RGS6: variants seen among roughly 807,000 people sequenced by gnomAD.
RGS6 encodes the protein regulator of G protein signaling 6, also known as regulator of G-protein signaling 6.
In RGS6, 30 loss-of-function variants were observed where a neutral mutation model predicts 78.5. That is an observed-to-expected ratio of 0.38 (90% CI 0.29 to 0.52). The LOEUF is 0.52. RGS6 is among the 20% of genes least tolerant of loss of function. RGS6 has a pLI of 0.85. For synonymous variants in RGS6, 206 were observed against 206.0 expected (o/e 1.00, Z 0.00); for missense variants, 495 against 609.7 (o/e 0.81, Z 1.98).
chr14:72,302,318 A>AAG (rs2066248855), intron 2 of RGS6, among the ~76,000 whole-genome samples: 1 of 152,242 alleles, frequency 6.6e-6, no homozygotes, highest in East Asian at 1.9e-4. Flanking sequence ...TGGCGGAGCC[A>AAG]AGATTCGAAC....
intron 2 of RGS6, among the ~76,000 whole-genome samples, chr14:72,169,647 C>T (rs185011483): frequency 6.6e-6 from 1 of 152,144 alleles, no homozygotes. Flanking sequence ...ACTGTTAAAA[C>T]TTTTTCCTCC....
At chr14:72,619,867 T>C in the RGS6 span, 1 of 1,506,342 alleles carries the variant, frequency 6.6e-7, no homozygotes, top group Non-Finnish European at 8.9e-7. Flanking sequence ...TAGTAGTATC[T>C]GTTGCTGTTC....
rs534266116 is a variant in RGS6, at chr14:72,051,291, G to C, written c.84+86416G>C. On this transcript the variant is annotated intron_variant, in intron 2 of 17. Coordinates refer to ENST00000553525, the MANE Select transcript of RGS6 (RefSeq NM_001204424.2). ...AAGCAAAAAGAAAACAGGGCTGGCA[G>C]TATTCGCATGGGGGCAATTTCAAGA... 3.9e-5 allele frequency among the ~76,000 whole-genome samples: 6 copies of C among 152,282 alleles called. No individual in the cohort carries two copies. In the South Asian group the frequency reaches 1.2e-3, roughly 32 times the overall value.
chr14:72,431,158 T>G (rs1209005993), intron 3 of RGS6, among the ~76,000 whole-genome samples: 1 of 152,170 alleles, frequency 6.6e-6, no homozygotes, highest in African/African-American at 2.4e-5. Context: ...ACAAGGAATC[T>G]GGGTATGAGG....
At chr14:72,325,147 G>A (rs1439844260) in intron 2 of RGS6, among the ~76,000 whole-genome samples, 2 of 152,200 alleles carry the variant, frequency 1.3e-5, no homozygotes, top group African/African-American at 4.8e-5. Context: ...CTGCATAAAT[G>A]TCTTCTTTCG....
intron 2 of RGS6, among the ~76,000 whole-genome samples, chr14:72,174,656 C>A (rs1368468713): frequency 6.6e-6 from 1 of 152,124 alleles, no homozygotes; most frequent in African/African-American, 2.4e-5. Flanking sequence ...GATACAAGGC[C>A]TATGTCTTGG....
the RGS6 span, among the ~76,000 whole-genome samples, chr14:72,618,280 T>C: frequency 3.9e-5 from 6 of 152,204 alleles, no homozygotes; most frequent in South Asian, 2.1e-4. Flanking sequence ...AAGAAATTAC[T>C]TGGAAAAAGG....
chr14:72,562,558 G>C lies in RGS6; in HGVS notation c.*91G>C, dbSNP rs1028207209. 1 of 1,580,150 alleles carries C rather than the reference G, an allele frequency of 6.3e-7. No individual in the cohort carries two copies. Among genetic ancestry groups the C allele is most frequent in the African/African-American group, 1.3e-5 (1 of 74,216 alleles). Reference sequence around the variant, plus strand: ...TCTGCGGACAGAGTTTCCTTACGAGGAGACTTGGTCACTGTGAAGGAGAAA... The same window carrying C: ...TCTGCGGACAGAGTTTCCTTACGAGCAGACTTGGTCACTGTGAAGGAGAAA... On this transcript the variant is annotated 3_prime_UTR_variant, in exon 18 of 18. Transcript: ENST00000553525.
intron 2 of RGS6, among the ~76,000 whole-genome samples, chr14:71,976,334 A>G (rs1221141563): frequency 6.6e-6 from 1 of 150,904 alleles, no homozygotes; most frequent in Admixed American, 6.6e-5. Context: ...ATATGTATAC[A>G]TGTGCCATGC....
intron 2 of RGS6, among the ~76,000 whole-genome samples, chr14:72,007,159 T>TG (rs1219585799): frequency 6.6e-6 from 1 of 151,582 alleles, no homozygotes; most frequent in Non-Finnish European, 1.5e-5. Context: ...CTGATTTTTT[T>TG]TTTTTCCTGT....
Position 71,964,827 on chromosome 14 carries a change from G to T in RGS6, c.36G>T (p.Gly12=), listed in dbSNP as rs765503463. 6.2e-7 allele frequency: 1 copy of T among 1,613,754 alleles called. No individual in the cohort carries two copies. The highest frequency in any genetic ancestry group is 1.3e-5 in the African/African-American group (1 of 75,018). ...AQGSGDQRAV[G]VADPEESSPN... ...GATCCGGGGATCAAAGAGCAGTGGG[G>T]GTTGCTGACCCAGAGGAGAGTTCTC... The change falls in exon 2 of 18, where the codon GGG becomes GGT. Residue 12 remains glycine (G), a synonymous_variant. Coordinates refer to ENST00000553525, the MANE Select transcript of RGS6 (RefSeq NM_001204424.2).
intron 12 of RGS6, among the ~76,000 whole-genome samples, chr14:72,481,743 G>GCA (rs1262883674): frequency 3.3e-5 from 5 of 151,368 alleles, no homozygotes; most frequent in African/African-American, 7.3e-5. Flanking sequence ...TATTGTCTCT[G>GCA]CACACACACA....
intron 2 of RGS6, among the ~76,000 whole-genome samples, chr14:72,040,867 A>G (rs557657986): frequency 9.9e-5 from 15 of 152,180 alleles, no homozygotes; most frequent in African/African-American, 3.6e-4. Context: ...CCTCTGGTAA[A>G]TCTTCCAATT....
chr14:72,172,841 G>A (rs1370459294), intron 2 of RGS6, among the ~76,000 whole-genome samples: 1 of 152,204 alleles, frequency 6.6e-6, no homozygotes, highest in Admixed American at 6.5e-5. Context: ...TCTGTCAGGT[G>A]GGGGTAAAGC....
intron 2 of RGS6, among the ~76,000 whole-genome samples, chr14:72,239,708 T>C (rs2153822390): frequency 6.6e-6 from 1 of 152,350 alleles, no homozygotes; most frequent in South Asian, 2.1e-4. Flanking sequence ...GCCTCAGCCC[T>C]CCTCTGAAAG....
chr14:72,479,645 G>A (rs940353511), intron 12 of RGS6, among the ~76,000 whole-genome samples: 13 of 152,174 alleles, frequency 8.5e-5, no homozygotes, highest in African/African-American at 2.7e-4. Flanking sequence ...CTCTGGAGTC[G>A]CTGTTTCAGC....
intron 13 of RGS6, among the ~76,000 whole-genome samples, chr14:72,503,685 C>A (rs1292208222): frequency 6.6e-6 from 1 of 152,222 alleles, no homozygotes; most frequent in Non-Finnish European, 1.5e-5. Context: ...AGGAATAATT[C>A]TCTTTGGCTC....
rs1371654714 is a variant in RGS6, at chr14:71,932,542, GGACA to G, written c.-416_-413del. 6.6e-5 allele frequency: 10 copies of G among 152,084 alleles called. No individual in the cohort carries two copies. Among genetic ancestry groups the G allele is most frequent in the African/African-American group, 2.4e-4 (10 of 41,434 alleles). The allele number at this position is 152,084 out of a possible 1,614,324, so 9.4% of individuals were successfully genotyped here. On this transcript the variant is annotated 5_prime_UTR_variant, in exon 1 of 18. Transcript: ENST00000553525. ...CGGAGCCGCCAGGCGCCGAGGGAAC[GGACA>G]GACCTCCGCGCACCCTTGCCGACCG...
At chr14:72,080,976 G>T (rs2153474947) in intron 2 of RGS6, among the ~76,000 whole-genome samples, 1 of 152,122 alleles carries the variant, frequency 6.6e-6, no homozygotes, top group East Asian at 1.9e-4. Context: ...TGTTCTTTTT[G>T]CTCAAGATTG....
Sources: allele counts gnomAD v4.1 joint callset (sites outside exome capture counted in the v4.1 genomes callset), GRCh38; gene constraint gnomAD v4.1.1; transcripts MANE v1.5; gene names NCBI Gene and HGNC (gene_info 2026-07-23, HGNC 2026-07-21).